The following RHOJ variants were observed in gnomAD, a reference collection of about 807,000 sequenced individuals.
RHOJ encodes the protein rho-related GTP-binding protein RhoJ.
Under a neutral mutation model 23.4 loss-of-function variants are expected in RHOJ, and 11 were observed. The observed-to-expected ratio is 0.47, with a 90% CI of 0.30 to 0.78. The LOEUF is 0.78. Ranked by LOEUF, RHOJ falls within the 30% of genes least tolerant of loss-of-function variation. The probability of loss-of-function intolerance (pLI) is 0.08; values close to 1 mark genes in which losing one functional copy is unlikely to be tolerated. For synonymous variants in RHOJ, 102 were observed against 102.7 expected (o/e 0.99, Z 0.04); for missense variants, 254 against 273.4 (o/e 0.93, Z 0.50).
At chr14:63,207,949 G>T (rs1566601088) in intron 1 of RHOJ, among the ~76,000 whole-genome samples, 1 of 151,994 alleles carries the variant, frequency 6.6e-6, no homozygotes, top group Admixed American at 6.5e-5. Flanking sequence ...GCCAGGAAAA[G>T]GAATGAAAAT....
chr14:63,269,913 C>T (rs202045932), intron 2 of RHOJ, among the ~76,000 whole-genome samples: 1 of 152,170 alleles, frequency 6.6e-6, no homozygotes, highest in East Asian at 1.9e-4. Context: ...CGAAGTTTCT[C>T]AAGTTCTAAT....
At chr14:63,268,384 C>T (rs554279634) in intron 1 of RHOJ, among the ~76,000 whole-genome samples, 1 of 152,230 alleles carries the variant, frequency 6.6e-6, no homozygotes, top group African/African-American at 2.4e-5. Context: ...GGGCACAATT[C>T]CTTGGCAAAG....
At chr14:63,279,860 A>AT (rs960810032) in intron 2 of RHOJ, among the ~76,000 whole-genome samples, 1 of 152,088 alleles carries the variant, frequency 6.6e-6, no homozygotes, top group Non-Finnish European at 1.5e-5. Context: ...TTTGGATATA[A>AT]TTTTTTTTAA....
intron 2 of RHOJ, among the ~76,000 whole-genome samples, chr14:63,277,679 G>GA (rs947659216): frequency 2.6e-5 from 4 of 152,126 alleles, no homozygotes; most frequent in African/African-American, 9.7e-5. Context: ...GTAGGGATGA[G>GA]AAAAAAATCA....
chr14:63,243,738 T>C (rs1487829658), intron 1 of RHOJ, among the ~76,000 whole-genome samples: 1 of 152,170 alleles, frequency 6.6e-6, no homozygotes, highest in East Asian at 1.9e-4. Flanking sequence ...AGCATTGCCA[T>C]GAAACAACTC....
intron 4 of RHOJ, 91 bp downstream of exon 4, chr14:63,283,307 C>G: frequency 9.8e-7 from 1 of 1,021,204 alleles, no homozygotes. Flanking sequence ...CTGGGTTTTG[C>G]TTTAAAGTGC....
At chr14:63,268,159 G>T (rs1395405122) in intron 1 of RHOJ, among the ~76,000 whole-genome samples, 1 of 152,048 alleles carries the variant, frequency 6.6e-6, no homozygotes, top group African/African-American at 2.4e-5. Flanking sequence ...TTTGACAAGA[G>T]AAAAAACTCA....
rs34023824 is a variant in RHOJ, at chr14:63,277,966, AACACACACACAC to A, written c.238-2981_238-2970del. 2.5e-3 allele frequency among the ~76,000 whole-genome samples: 352 copies of A among 141,512 alleles called. 1 individual carries two copies. The highest frequency in any genetic ancestry group is 8.5e-3 in the African/African-American group (319 of 37,708). 92.8% of individuals were successfully genotyped at this position (141,512 alleles called of 152,430 possible). A position where few individuals can be genotyped will look rare whatever the true frequency, so the allele number is the denominator to read the frequency against. ...TCTCCACTGCCTCACCAGCTACACA[AACACACACACAC>A]ACACACACACACACACACACACAGA... On this transcript the variant is annotated intron_variant, in intron 2 of 4. Coordinates refer to ENST00000316754, the MANE Select transcript of RHOJ (RefSeq NM_020663.5).
chr14:63,211,231 T>C (rs1894230652), intron 1 of RHOJ, among the ~76,000 whole-genome samples: 1 of 152,054 alleles, frequency 6.6e-6, no homozygotes, highest in Non-Finnish European at 1.5e-5. Flanking sequence ...TGAATAAAAA[T>C]AAAGTCCCAG....
At chr14:63,222,550 G>T (rs916871236) in intron 1 of RHOJ, among the ~76,000 whole-genome samples, 133 of 152,254 alleles carry the variant, frequency 8.7e-4, no homozygotes, top group African/African-American at 2.9e-3. Flanking sequence ...CATTGTGGTT[G>T]TGATTTGCAT....
At chr14:63,262,080 C>T (rs894326768) in intron 1 of RHOJ, among the ~76,000 whole-genome samples, 6 of 152,182 alleles carry the variant, frequency 3.9e-5, no homozygotes, top group African/African-American at 1.4e-4. Flanking sequence ...GTCCCTATAA[C>T]TGACCTGACA....
chr14:63,231,805 T>C (rs1231232828), intron 1 of RHOJ, among the ~76,000 whole-genome samples: 3 of 152,254 alleles, frequency 2.0e-5, no homozygotes, highest in Non-Finnish European at 4.4e-5. Flanking sequence ...GTGGGAAAGA[T>C]ACTTGATACA....
chr14:63,282,171 C>A (rs1227700762), intron 3 of RHOJ, among the ~76,000 whole-genome samples: 1 of 152,050 alleles, frequency 6.6e-6, no homozygotes, highest in Non-Finnish European at 1.5e-5. Context: ...ATTGATGGAG[C>A]CTGAATCCCT....
chr14:63,226,959 A>AT (rs908203579), intron 1 of RHOJ, among the ~76,000 whole-genome samples: 45 of 151,448 alleles, frequency 3.0e-4, no homozygotes, highest in Middle Eastern at 3.4e-3. Context: ...TGAGCTAAGT[A>AT]TTTTTTTTTA....
At chr14:63,236,294 T>C (rs1252338068) in intron 1 of RHOJ, among the ~76,000 whole-genome samples, 1 of 152,170 alleles carries the variant, frequency 6.6e-6, no homozygotes, top group Non-Finnish European at 1.5e-5. Flanking sequence ...TTCTGGAATA[T>C]TTTTTTCAAG....
chr14:63,221,354 T>G (rs749686902), intron 1 of RHOJ, among the ~76,000 whole-genome samples: 1 of 152,138 alleles, frequency 6.6e-6, no homozygotes, highest in Non-Finnish European at 1.5e-5. Flanking sequence ...ATATAACTGC[T>G]TCTAATCCCT....
intron 2 of RHOJ, among the ~76,000 whole-genome samples, chr14:63,279,153 ATG>A (rs1261405908): frequency 6.6e-6 from 1 of 152,226 alleles, no homozygotes; most frequent in African/African-American, 2.4e-5. Flanking sequence ...GAGCACATAC[ATG>A]TTTTGTAAGT....
At chr14:63,216,248 G>C (rs1022330442) in intron 1 of RHOJ, among the ~76,000 whole-genome samples, 2 of 152,132 alleles carry the variant, frequency 1.3e-5, no homozygotes, top group African/African-American at 4.8e-5. Flanking sequence ...GTTATATTCT[G>C]ATGCTATATC....
intron 2 of RHOJ, among the ~76,000 whole-genome samples, chr14:63,276,720 C>T (rs912213531): frequency 4.6e-5 from 7 of 152,320 alleles, no homozygotes; most frequent in Admixed American, 2.6e-4. Flanking sequence ...ACTTCTCTCA[C>T]CTGCCCCACC....
Sources: gnomAD v4.1 joint callset for allele counts (sites outside exome capture counted in the v4.1 genomes callset) on GRCh38, gnomAD v4.1.1 for gene constraint, MANE v1.5 for transcripts, NCBI Gene and HGNC (gene_info 2026-07-23, HGNC 2026-07-21) for gene names.